LRRIQ1: variants seen among roughly 807,000 people sequenced by gnomAD.
LRRIQ1 encodes the protein leucine rich repeats and IQ motif containing 1, also known as leucine-rich repeat- and IQ domain-containing protein 1.
In LRRIQ1, 210 loss-of-function variants were observed where a neutral mutation model predicts 211.9. That is an observed-to-expected ratio of 0.99 (90% CI 0.89 to 1.11). The LOEUF is 1.11. Ranked by LOEUF, LRRIQ1 falls within the 50% of genes most tolerant of loss-of-function variation. LRRIQ1 has a pLI of 0.00. For synonymous variants in LRRIQ1, 699 were observed against 650.1 expected (o/e 1.08, Z -1.14); for missense variants, 2,136 against 1,939.5 (o/e 1.10, Z -1.90).
chr12:85,160,070 C>T (rs1182872966), intron 23 of LRRIQ1, among the ~76,000 whole-genome samples: 1 of 151,908 alleles, frequency 6.6e-6, no homozygotes, highest in Non-Finnish European at 1.5e-5. Context: ...ATTTTTGCTA[C>T]TTTAGCATTT....
chr12:85,039,063 T>TA (rs2135860218), intron 2 of LRRIQ1, among the ~76,000 whole-genome samples: 1 of 151,476 alleles, frequency 6.6e-6, no homozygotes, highest in African/African-American at 2.4e-5. Context: ...TAAACCTACC[T>TA]ATTACATTTA....
chr12:85,237,773 A>T (rs1292794887), intron 26 of LRRIQ1, among the ~76,000 whole-genome samples: 3 of 152,158 alleles, frequency 2.0e-5, no homozygotes, highest in Non-Finnish European at 4.4e-5. Flanking sequence ...CAACAAATAA[A>T]TCAACTGCCT....
At chr12:85,271,920 G>C in the LRRIQ1 span, among the ~76,000 whole-genome samples, 1 of 152,058 alleles carries the variant, frequency 6.6e-6, no homozygotes, top group African/African-American at 2.4e-5. Context: ...AACACAGTAA[G>C]TACAAAATAT....
intron 24 of LRRIQ1, among the ~76,000 whole-genome samples, chr12:85,183,371 A>G (rs1300030754): frequency 1.3e-5 from 2 of 152,010 alleles, no homozygotes; most frequent in East Asian, 3.9e-4. Flanking sequence ...CTGACACTAC[A>G]TGCCTTGTAG....
intron 1 of LRRIQ1, among the ~76,000 whole-genome samples, chr12:85,255,723 A>T (rs1326771046): frequency 1.3e-5 from 2 of 151,746 alleles, no homozygotes; most frequent in Non-Finnish European, 3.0e-5. Flanking sequence ...TAAACCATTA[A>T]ATCTGATTCT....
intron 11 of LRRIQ1, among the ~76,000 whole-genome samples, chr12:85,080,071 A>C (rs991482523): frequency 6.6e-6 from 1 of 152,094 alleles, no homozygotes; most frequent in South Asian, 2.1e-4. Context: ...ACACACGCGC[A>C]CACACGTACC....
intron 11 of LRRIQ1, among the ~76,000 whole-genome samples, chr12:85,080,597 T>G (rs1039577839): frequency 6.6e-6 from 1 of 151,660 alleles, no homozygotes; most frequent in Non-Finnish European, 1.5e-5. Flanking sequence ...CAAGCACATC[T>G]AATATAATGT....
intron 1 of LRRIQ1, among the ~76,000 whole-genome samples, chr12:85,251,890 G>A (rs1053053962): frequency 6.6e-6 from 1 of 151,052 alleles, no homozygotes; most frequent in African/African-American, 2.4e-5. Flanking sequence ...CAAATAAAAA[G>A]CAACAGAAAC....
chr12:85,137,937 G>A lies in LRRIQ1; in HGVS notation c.4297G>A (p.Glu1433Lys), dbSNP rs915880508. Reference protein sequence around the residue: ...KNEESDEEYREIDLEDFIFDE... With the variant: ...KNEESDEEYRKIDLEDFIFDE... ...TGAAGAATCCGATGAAGAATACAGA[G>A]AAATAGATTTAGAGGATTTTATATT... The change falls in exon 19 of 27, where the codon GAA becomes AAA. Residue 1433 changes from glutamate to lysine, a missense_variant. Transcript: ENST00000393217. 5 of 1,501,194 alleles carry A rather than the reference G, an allele frequency of 3.3e-6. No homozygotes were observed. Among genetic ancestry groups the A allele is most frequent in the Non-Finnish European group, 3.7e-6 (4 of 1,085,256 alleles). 93.0% of individuals were successfully genotyped at this position (1,501,194 alleles called of 1,614,324 possible). A position where few individuals can be genotyped will look rare whatever the true frequency, so the allele number is the denominator to read the frequency against.
intron 26 of LRRIQ1, among the ~76,000 whole-genome samples, chr12:85,241,273 G>A (rs1477659205): frequency 6.6e-6 from 1 of 151,880 alleles, no homozygotes; most frequent in East Asian, 1.9e-4. Context: ...TGCACTTTAC[G>A]GCATGTACAT....
chr12:85,103,260 A>G (rs1886524173), intron 13 of LRRIQ1, among the ~76,000 whole-genome samples: 1 of 151,096 alleles, frequency 6.6e-6, no homozygotes, highest in Admixed American at 6.6e-5. Context: ...GAGGAAAATT[A>G]ATTATTACTA....
chr12:85,142,843 CT>C (rs1380651373), intron 19 of LRRIQ1, among the ~76,000 whole-genome samples: 1 of 151,436 alleles, frequency 6.6e-6, no homozygotes, highest in African/African-American at 2.4e-5. Context: ...TGTGTATTTT[CT>C]TTGTTCATGT....
At chr12:85,196,197 A>G (rs1892900527) in intron 24 of LRRIQ1, among the ~76,000 whole-genome samples, 1 of 152,156 alleles carries the variant, frequency 6.6e-6, no homozygotes, top group Non-Finnish European at 1.5e-5. Flanking sequence ...AAATGGAAGA[A>G]CATACCATGC....
At chr12:85,270,296 G>A in the LRRIQ1 span, among the ~76,000 whole-genome samples, 1 of 152,032 alleles carries the variant, frequency 6.6e-6, no homozygotes, top group Non-Finnish European at 1.5e-5. Flanking sequence ...ACTTGTTTTA[G>A]GTTATACAGA....
intron 19 of LRRIQ1, among the ~76,000 whole-genome samples, chr12:85,144,953 TTTG>T (rs1889789867): frequency 6.6e-6 from 1 of 151,618 alleles, no homozygotes. Flanking sequence ...TTTTTGTTTT[TTTG>T]TTTTCTTTTT....
chr12:85,245,962 A>T (rs1328263704), downstream of LRRIQ1, among the ~76,000 whole-genome samples: 1 of 151,182 alleles, frequency 6.6e-6, no homozygotes, highest in African/African-American at 2.4e-5. Flanking sequence ...AGTGATCCAG[A>T]TTGTGCTCTC....
At chr12:85,237,493 A>G (rs1262038089) in intron 26 of LRRIQ1, among the ~76,000 whole-genome samples, 1 of 152,076 alleles carries the variant, frequency 6.6e-6, no homozygotes, top group African/African-American at 2.4e-5. Flanking sequence ...GCCAAGTACT[A>G]AGCTCTGTAT....
In LRRIQ1 at chr12:85,242,426, A is replaced by T. The variant is rs1263101018; in HGVS notation, c.5017-2363A>T. On this transcript the variant is annotated intron_variant, in intron 26 of 26. Transcript: ENST00000393217. ...TTTAGGTATTAGAAGTAATCTAGAGATTATTTAAAATAGAAGGGAGAATAT... is the reference window on the plus strand; with the variant it reads ...TTTAGGTATTAGAAGTAATCTAGAGTTTATTTAAAATAGAAGGGAGAATAT... Among the ~76,000 whole-genome samples, 4 of 151,944 alleles carry T rather than the reference A, an allele frequency of 2.6e-5. No individual in the cohort carries two copies. In the East Asian group the frequency reaches 7.7e-4, roughly 29 times the overall value.
In LRRIQ1 at chr12:85,153,696, A is replaced by G; in HGVS notation, c.4575A>G (p.Glu1525=). Residue 1525 remains glutamate (E), a synonymous_variant, in exon 22 of 27, where the codon GAA becomes GAG. Coordinates refer to ENST00000393217, the MANE Select transcript of LRRIQ1 (RefSeq NM_001079910.2). ...SENKTSSWTP[E]SKTSRKSLLK... ...ATAAAACTTCTTCCTGGACACCTGAATCAAAGACCAGTAGAAAGAGTTTGC... is the reference window on the plus strand; with the variant it reads ...ATAAAACTTCTTCCTGGACACCTGAGTCAAAGACCAGTAGAAAGAGTTTGC... 1 of 1,587,862 alleles carries G rather than the reference A, an allele frequency of 6.3e-7. No individual in the cohort carries two copies.
Sources: gnomAD v4.1 joint callset for allele counts (sites outside exome capture counted in the v4.1 genomes callset) on GRCh38, gnomAD v4.1.1 for gene constraint, MANE v1.5 for transcripts, NCBI Gene and HGNC (gene_info 2026-07-23, HGNC 2026-07-21) for gene names.